FOXN3: variants seen among roughly 807,000 people sequenced by gnomAD.
FOXN3 encodes forkhead box N3, also known as forkhead box protein N3.
A neutral mutation model predicts 38.4 loss-of-function variants in FOXN3; 7 were observed. That is an observed-to-expected ratio of 0.18 (90% CI 0.10 to 0.34). The LOEUF (loss-of-function observed/expected upper bound fraction) is 0.34. Ranked by LOEUF, FOXN3 falls within the 10% of genes least tolerant of loss-of-function variation. The probability of loss-of-function intolerance (pLI) is 1.00; values close to 1 mark genes in which losing one functional copy is unlikely to be tolerated. For missense variants in FOXN3, 456 were observed against 613.4 expected (o/e 0.74, Z 2.71); for synonymous variants, 230 against 242.2 (o/e 0.95, Z 0.47).
At chr14:89,290,628 C>T in intron 3 of FOXN3, 2 of 499,970 alleles carry the variant, frequency 4.0e-6, no homozygotes, top group Non-Finnish European at 7.8e-6. Context: ...TCTCCATTTA[C>T]TTCCTTCCAA....
At position 89,478,943 on chromosome 14, in the gene FOXN3, A is replaced by AAAAAAAAAAAT. The variant is rs1893269592; in HGVS notation, c.-14-66454_-14-66453insATTTTTTTTTT. On this transcript the variant is annotated intron_variant, in intron 1 of 6. Coordinates refer to the FOXN3 transcript ENST00000345097. ...CGAGACTCCATCTCAAAAAAAAAAA[A>AAAAAAAAAAAT]AAAAAAATTACCACAACACCTCTAC... Among the ~76,000 whole-genome samples, 5 of 151,092 alleles carry AAAAAAAAAAAT rather than the reference A, an allele frequency of 3.3e-5. No homozygotes were observed. In the South Asian group the frequency reaches 1.0e-3, roughly 32 times the overall value.
intron 1 of FOXN3, among the ~76,000 whole-genome samples, chr14:89,520,017 CT>C (rs56854196): frequency 0.12 from 16,406 of 132,206 alleles, 925 homozygotes; most frequent in African/African-American, 0.17. Flanking sequence ...TTCTTTTTTT[CT>C]TTTTTTTTTT....
intron 1 of FOXN3, among the ~76,000 whole-genome samples, chr14:89,467,294 G>GT (rs1892989829): frequency 6.6e-6 from 1 of 152,140 alleles, no homozygotes; most frequent in Non-Finnish European, 1.5e-5. Context: ...ACCACCTGCT[G>GT]TAACTCTGAG....
chr14:89,261,144 C>T (rs2139891813), intron 4 of FOXN3, among the ~76,000 whole-genome samples: 1 of 152,314 alleles, frequency 6.6e-6, no homozygotes, highest in South Asian at 2.1e-4. Context: ...CCAGGCAGGC[C>T]TGGCTGGGGC....
intron 1 of FOXN3, among the ~76,000 whole-genome samples, chr14:89,564,704 G>A (rs1399042200): frequency 6.6e-6 from 1 of 152,152 alleles, no homozygotes; most frequent in Non-Finnish European, 1.5e-5. Context: ...ACCTCAGAAT[G>A]TGACCTTATT....
At chr14:89,521,268 C>G (rs1047564280) in intron 1 of FOXN3, among the ~76,000 whole-genome samples, 1 of 151,708 alleles carries the variant, frequency 6.6e-6, no homozygotes, top group Non-Finnish European at 1.5e-5. Flanking sequence ...CAAGATTGCA[C>G]CACTGCACTC....
chr14:89,224,645 T>C (rs1448572009), intron 4 of FOXN3, among the ~76,000 whole-genome samples: 1 of 152,180 alleles, frequency 6.6e-6, no homozygotes, highest in Non-Finnish European at 1.5e-5. Flanking sequence ...AAATATGTGC[T>C]ACATGAATAA....
chr14:89,178,341 G>T (rs189190893), intron 5 of FOXN3, among the ~76,000 whole-genome samples: 29 of 152,230 alleles, frequency 1.9e-4, no homozygotes, highest in Admixed American at 1.8e-3. Flanking sequence ...GTAGAGCTGG[G>T]ATCTCCCTAT....
chr14:89,212,443 C>T (rs866045379), intron 4 of FOXN3, among the ~76,000 whole-genome samples: 32 of 152,284 alleles, frequency 2.1e-4, no homozygotes, highest in Middle Eastern at 3.4e-3. Flanking sequence ...TGTGAGTGGC[C>T]TGCAATGCTG....
intron 1 of FOXN3, among the ~76,000 whole-genome samples, chr14:89,612,217 T>C (rs899946255): frequency 6.6e-6 from 1 of 152,146 alleles, no homozygotes; most frequent in Non-Finnish European, 1.5e-5. Context: ...AGTAGCAGTA[T>C]TATTAAGCTA....
In FOXN3 at chr14:89,399,173, A is replaced by C. The variant is rs117162704; in HGVS notation, c.543+12761T>G. Among the ~76,000 whole-genome samples, 333 of 152,326 alleles carry C rather than the reference A, an allele frequency of 2.2e-3. 7 individuals carry two copies. The East Asian group carries it at 0.024, about 11-fold the overall frequency. On this transcript the variant is annotated intron_variant, in intron 2 of 5. Coordinates refer to ENST00000557258, the MANE Select transcript of FOXN3 (RefSeq NM_005197.4). ...CAGGGCTGAACGCTTGGCCCAGGAA[A>C]AGGACAAGTCCTAGTATCTAAAAAT...
At chr14:89,420,415 T>A (rs184622738), upstream of FOXN3, among the ~76,000 whole-genome samples, 11 of 152,276 alleles carry the variant, frequency 7.2e-5, no homozygotes, top group African/African-American at 2.6e-4. Flanking sequence ...GGTTGCTGTT[T>A]AACCTGTGGA....
At chr14:89,408,940 C>G (rs899836153) in intron 2 of FOXN3, among the ~76,000 whole-genome samples, 1 of 152,114 alleles carries the variant, frequency 6.6e-6, no homozygotes, top group African/African-American at 2.4e-5. Flanking sequence ...GGCAGAGTAT[C>G]AGGGAGAATG....
chr14:89,276,361 G>A (rs993221511), intron 4 of FOXN3, among the ~76,000 whole-genome samples: 16 of 152,302 alleles, frequency 1.1e-4, no homozygotes, highest in East Asian at 3.9e-4. Context: ...TTCTACCACC[G>A]CATCCTAGGG....
rs138666810 is a variant in FOXN3 at position 89,500,613 on chromosome 14, G to A, written c.-14-88123C>T. Among the ~76,000 whole-genome samples the A allele has an allele frequency of 2.8e-3, 419 of 152,320 alleles. 1 individual carries two copies. Among genetic ancestry groups the A allele is most frequent in the African/African-American group, 7.6e-3 (318 of 41,570 alleles). On this transcript the variant is annotated intron_variant, in intron 1 of 6. Transcript: ENST00000345097. ...GGGTGTGCCCCTATCCAACAGCATCGGGGCTGGAAAAAGGGACAGGGAAAA... is the reference window on the plus strand; with the variant it reads ...GGGTGTGCCCCTATCCAACAGCATCAGGGCTGGAAAAAGGGACAGGGAAAA...
intron 2 of FOXN3, among the ~76,000 whole-genome samples, chr14:89,405,172 T>C (rs1429204630): frequency 2.0e-5 from 3 of 152,172 alleles, no homozygotes; most frequent in African/African-American, 7.2e-5. Flanking sequence ...AGTCTCACTC[T>C]GTCGCTCAGG....
chr14:89,377,639 TAAG>T (rs1401849751), intron 2 of FOXN3, among the ~76,000 whole-genome samples: 1 of 152,114 alleles, frequency 6.6e-6, no homozygotes, highest in Non-Finnish European at 1.5e-5. Context: ...CAGTAAAAAA[TAAG>T]AAGGGAAAAG....
chr14:89,402,070 A>T (rs916118480), intron 2 of FOXN3, among the ~76,000 whole-genome samples: 1 of 152,224 alleles, frequency 6.6e-6, no homozygotes, highest in East Asian at 1.9e-4. Context: ...CAATCCATCA[A>T]GTTATTACTA....
chr14:89,453,164 A>T (rs894222201), intron 1 of FOXN3, among the ~76,000 whole-genome samples: 2 of 152,036 alleles, frequency 1.3e-5, no homozygotes, highest in Admixed American at 6.6e-5. Flanking sequence ...GCGCCATTGC[A>T]CTCCAGCTTG....
Sources: allele counts gnomAD v4.1 joint callset (sites outside exome capture counted in the v4.1 genomes callset), GRCh38; gene constraint gnomAD v4.1.1; transcripts MANE v1.5; gene names NCBI Gene and HGNC (gene_info 2026-07-23, HGNC 2026-07-21).